Variants in PLEKHA5 observed in about 807,000 individuals in gnomAD.
PLEKHA5 encodes the protein pleckstrin homology domain containing A5, also known as pleckstrin homology domain-containing family A member 5.
PLEKHA5 carries 55 observed loss-of-function variants against 181.9 expected under a neutral mutation model. The observed-to-expected ratio is 0.30, with a 90% CI of 0.24 to 0.38. The LOEUF (loss-of-function observed/expected upper bound fraction) is 0.38, where lower values mean the gene tolerates loss of function less well. Ranked by LOEUF, PLEKHA5 falls within the 10% of genes least tolerant of loss-of-function variation. PLEKHA5 has a pLI of 1.00. For missense variants in PLEKHA5, 1,432 were observed against 1,549.5 expected (o/e 0.92, Z 1.27); for synonymous variants, 535 against 529.4 (o/e 1.01, Z -0.15).
intron 12 of PLEKHA5, among the ~76,000 whole-genome samples, chr12:19,284,594 C>T (rs933611712): frequency 6.6e-6 from 1 of 152,120 alleles, no homozygotes; most frequent in South Asian, 2.1e-4. Context: ...AAATGGAGAT[C>T]ATGTTTTACT....
At chr12:19,335,389 A>G (rs1470138573) in intron 20 of PLEKHA5, among the ~76,000 whole-genome samples, 1 of 151,232 alleles carries the variant, frequency 6.6e-6, no homozygotes, top group African/African-American at 2.4e-5. Flanking sequence ...ACAAAATAAG[A>G]TAGCTCTTTA....
chr12:19,332,846 G>A (rs1379593617), intron 20 of PLEKHA5, among the ~76,000 whole-genome samples: 2 of 152,142 alleles, frequency 1.3e-5, no homozygotes, highest in Non-Finnish European at 2.9e-5. Context: ...TGCAGAGATG[G>A]GATTTCACCA....
At chr12:19,341,266 G>T (rs1641991380) in intron 21 of PLEKHA5, among the ~76,000 whole-genome samples, 1 of 152,064 alleles carries the variant, frequency 6.6e-6, no homozygotes. Context: ...GGCCGAGTGA[G>T]ACTCAGCCTC....
At chr12:19,164,202 T>TG (rs2151533129) in intron 3 of PLEKHA5, among the ~76,000 whole-genome samples, 1 of 145,708 alleles carries the variant, frequency 6.9e-6, no homozygotes, top group South Asian at 2.2e-4. Flanking sequence ...TTTTTGTTTT[T>TG]TTTTTTTTTT....
chr12:19,327,616 T>G (rs2092348366), intron 20 of PLEKHA5, among the ~76,000 whole-genome samples: 1 of 149,030 alleles, frequency 6.7e-6, no homozygotes. Context: ...CAGTTTTTGT[T>G]TTTGTTGCTA....
chr12:19,199,308 T>A lies in PLEKHA5; in HGVS notation c.228-54632T>A, dbSNP rs181305414. Among the ~76,000 whole-genome samples, 43 of 152,294 alleles carry A rather than the reference T, an allele frequency of 2.8e-4. No individual in the cohort carries two copies. The East Asian group carries it at 7.7e-3, about 27-fold the overall frequency. On this transcript the variant is annotated intron_variant, in intron 3 of 31. Transcript: ENST00000429027. ...TTTGAAAAAATGCCTTCTGTAGATA[T>A]ATCTGGGTGAGAAAGCAATAAAATA... is the stretch of plus-strand genomic sequence containing the variant.
intron 3 of PLEKHA5, among the ~76,000 whole-genome samples, chr12:19,183,438 T>C (rs1383951265): frequency 1.3e-5 from 2 of 152,212 alleles, no homozygotes; most frequent in Non-Finnish European, 2.9e-5. Context: ...GTGGGATAAT[T>C]ATTAGTATTA....
chr12:19,302,927 TTTTTTTTTTTTTG>T, intron 15 of PLEKHA5, among the ~76,000 whole-genome samples: 1 of 128,036 alleles, frequency 7.8e-6, no homozygotes, highest in Non-Finnish European at 1.6e-5. Flanking sequence ...TTTTTTTTTT[TTTTTTTTTTTTTG>T]AGATGGAGTC....
At chr12:19,331,250 T>C (rs368854417) in intron 20 of PLEKHA5, among the ~76,000 whole-genome samples, 3 of 152,314 alleles carry the variant, frequency 2.0e-5, no homozygotes, top group African/African-American at 4.8e-5. Flanking sequence ...GTCTAGTGTA[T>C]TGTGTAACCA....
chr12:19,250,540 G>A (rs1472552384), intron 3 of PLEKHA5, among the ~76,000 whole-genome samples: 1 of 152,026 alleles, frequency 6.6e-6, no homozygotes, highest in Admixed American at 6.6e-5. Context: ...CTGAGATTGT[G>A]CCATTGCACT....
chr12:19,183,899 G>A (rs1043210663), intron 3 of PLEKHA5, among the ~76,000 whole-genome samples: 1 of 151,990 alleles, frequency 6.6e-6, no homozygotes, highest in Non-Finnish European at 1.5e-5. Context: ...TTTTTTTGTA[G>A]AGACAGGGTT....
At chr12:19,361,239 A>T (rs1343798854) in intron 28 of PLEKHA5, among the ~76,000 whole-genome samples, 1 of 152,148 alleles carries the variant, frequency 6.6e-6, no homozygotes, top group African/African-American at 2.4e-5. Context: ...GCTGGAGTGC[A>T]GTCCGCGATC....
At chr12:19,242,937 A>G (rs193286174) in intron 3 of PLEKHA5, among the ~76,000 whole-genome samples, 1 of 152,312 alleles carries the variant, frequency 6.6e-6, no homozygotes, top group Admixed American at 6.5e-5. Flanking sequence ...CTGAACAGCT[A>G]AGAGTAGGAA....
intron 29 of PLEKHA5, among the ~76,000 whole-genome samples, chr12:19,365,173 C>T (rs1463249541): frequency 6.6e-6 from 1 of 151,864 alleles, no homozygotes; most frequent in Admixed American, 6.6e-5. Context: ...AGATCGAGAC[C>T]ATCCTGGCTA....
At chr12:19,329,592 T>A (rs2092643083) in intron 20 of PLEKHA5, among the ~76,000 whole-genome samples, 1 of 152,194 alleles carries the variant, frequency 6.6e-6, no homozygotes, top group Non-Finnish European at 1.5e-5. Context: ...ATTTATCTAT[T>A]TCATCTAGAT....
At chr12:19,289,023 C>G (rs2077825895) in intron 13 of PLEKHA5, among the ~76,000 whole-genome samples, 1 of 152,156 alleles carries the variant, frequency 6.6e-6, no homozygotes, top group Admixed American at 6.5e-5. Context: ...CTTAGAATAT[C>G]TAAATCCCTT....
intron 16 of PLEKHA5, among the ~76,000 whole-genome samples, chr12:19,316,657 G>T (rs1415607066): frequency 6.6e-6 from 1 of 152,124 alleles, no homozygotes; most frequent in African/African-American, 2.4e-5. Flanking sequence ...TGCTGTTAAG[G>T]CTAGGGAGTC....
At chr12:19,354,136 C>CTTT in intron 26 of PLEKHA5, 134 bp downstream of exon 26, 1 of 74,642 alleles carries the variant, frequency 1.3e-5, no homozygotes, top group Non-Finnish European at 3.0e-5. Context: ...CTTAGTTATT[C>CTTT]TTTATTCTTT....
chr12:19,337,222 A>C (rs552976052), intron 21 of PLEKHA5, among the ~76,000 whole-genome samples: 7 of 152,150 alleles, frequency 4.6e-5, no homozygotes, highest in Admixed American at 3.9e-4. Context: ...TCTGAGACCT[A>C]GTTCCAAGGG....
Sources: gnomAD v4.1 joint callset for allele counts (sites outside exome capture counted in the v4.1 genomes callset) on GRCh38, gnomAD v4.1.1 for gene constraint, MANE v1.5 for transcripts, NCBI Gene and HGNC (gene_info 2026-07-23, HGNC 2026-07-21) for gene names.